The following PICALM variants were observed in gnomAD, a reference collection of about 807,000 sequenced individuals.
PICALM encodes the protein phosphatidylinositol binding clathrin assembly protein, also known as phosphatidylinositol-binding clathrin assembly protein.
PICALM carries 40 observed loss-of-function variants against 80.5 expected under a neutral mutation model. That is an observed-to-expected ratio of 0.50 (90% CI 0.39 to 0.65). The LOEUF (loss-of-function observed/expected upper bound fraction) is 0.65. Among genes scored for constraint, PICALM ranks in the 30% least tolerant of loss-of-function variants. The pLI, the probability that PICALM is intolerant of heterozygous loss-of-function variation, is 0.00. For missense variants in PICALM, 676 were observed against 778.9 expected (o/e 0.87, Z 1.57); for synonymous variants, 288 against 260.3 (o/e 1.11, Z -1.02).
Position 86,068,678 on chromosome 11 carries a change from T to G in PICALM, c.103A>C (p.Met35Leu). 1.2e-6 allele frequency: 2 copies of G among 1,612,762 alleles called. No individual in the cohort carries two copies. Among genetic ancestry groups the G allele is most frequent in the African/African-American group, 2.7e-5 (2 of 74,832 alleles). ...TVCKATTHEI[M>L]GPKKKHLDYL... ...TCCAGGTGCTTTTTCTTGGGCCCCA[T>G]GATCTCGTGGGTCGTGGCCTTGCAT... The change falls in exon 1 of 20, where the codon ATG (methionine) becomes CTG (leucine). Residue 35 changes from methionine (M) to leucine (L), a missense_variant. Physicochemically the swap from Met to Leu is conservative, Grantham distance 15. Transcript: ENST00000393346.
intron 8 of PICALM, among the ~76,000 whole-genome samples, chr11:86,006,934 T>C (rs2095290294): frequency 6.6e-6 from 1 of 152,206 alleles, no homozygotes; most frequent in South Asian, 2.1e-4. Context: ...CATTAACTTA[T>C]TTAATCCTGT....
chr11:86,068,415 C>G (rs943348267), intron 1 of PICALM, among the ~76,000 whole-genome samples: 5 of 151,924 alleles, frequency 3.3e-5, no homozygotes, highest in African/African-American at 1.2e-4. Context: ...AGACGAGGGT[C>G]CCCTAGGAAT....
intron 1 of PICALM, among the ~76,000 whole-genome samples, chr11:86,048,613 C>A (rs938378224): frequency 4.0e-5 from 6 of 151,660 alleles, no homozygotes; most frequent in Admixed American, 2.0e-4. Flanking sequence ...GCGGGCAGAT[C>A]ACAACATCAG....
At chr11:86,002,208 GA>G (rs562414037) in intron 9 of PICALM, among the ~76,000 whole-genome samples, 1 of 152,080 alleles carries the variant, frequency 6.6e-6, no homozygotes, top group African/African-American at 2.4e-5. Context: ...CTGCTACTTC[GA>G]AAATCTTACT....
chr11:85,968,305 A>AAACAAAACAG (rs1457299442), intron 19 of PICALM, among the ~76,000 whole-genome samples: 13 of 150,678 alleles, frequency 8.6e-5, no homozygotes, highest in Non-Finnish European at 3.0e-5. Context: ...AAACAAAACA[A>AAACAAAACAG]ACAAACAAAA....
chr11:86,038,824 T>C (rs1008714155), intron 1 of PICALM, among the ~76,000 whole-genome samples: 1 of 149,224 alleles, frequency 6.7e-6, no homozygotes, highest in African/African-American at 2.5e-5. Context: ...CGTTTAAAAA[T>C]AAAAGACCAG....
chr11:86,011,004 G>A (rs767763631), intron 7 of PICALM, 26 bp downstream of exon 7: 1 of 980,396 alleles, frequency 1.0e-6, no homozygotes, highest in Non-Finnish European at 1.6e-6. Context: ...GGCAAGTTAG[G>A]AGACAGTCAC....
chr11:86,041,559 T>C (rs762421605), intron 1 of PICALM, among the ~76,000 whole-genome samples: 12 of 152,168 alleles, frequency 7.9e-5, no homozygotes, highest in Non-Finnish European at 1.5e-4. Flanking sequence ...AGAATTCAGA[T>C]AGAACTGGGT....
At chr11:86,061,807 T>G (rs547105349) in intron 1 of PICALM, among the ~76,000 whole-genome samples, 1 of 152,318 alleles carries the variant, frequency 6.6e-6, no homozygotes, top group South Asian at 2.1e-4. Context: ...ACACAGATGT[T>G]TGATGTTTAT....
At chr11:86,026,791 G>C (rs1051457796) in intron 2 of PICALM, among the ~76,000 whole-genome samples, 9 of 152,086 alleles carry the variant, frequency 5.9e-5, no homozygotes, top group African/African-American at 1.9e-4. Flanking sequence ...CCACTGTCCA[G>C]ATTAAACAAA....
intron 13 of PICALM, among the ~76,000 whole-genome samples, chr11:85,986,962 G>C (rs2084775348): frequency 1.3e-5 from 2 of 152,242 alleles, no homozygotes; most frequent in South Asian, 4.1e-4. Context: ...CTGGCCTGCA[G>C]GTTAAATCTC....
chr11:86,037,113 T>G (rs909435225), intron 1 of PICALM, among the ~76,000 whole-genome samples: 1 of 150,412 alleles, frequency 6.6e-6, no homozygotes. Context: ...GCCCAGCTAA[T>G]TTTTGTATTT....
At chr11:85,965,794 C>A (rs1409900949) in intron 19 of PICALM, among the ~76,000 whole-genome samples, 1 of 146,538 alleles carries the variant, frequency 6.8e-6, no homozygotes, top group Non-Finnish European at 1.5e-5. Context: ...ACCTTGAATG[C>A]ATTACCCATT....
At chr11:86,035,947 CAAAAAAAAA>C (rs543040504) in intron 1 of PICALM, among the ~76,000 whole-genome samples, 1 of 66,508 alleles carries the variant, frequency 1.5e-5, no homozygotes, top group African/African-American at 5.9e-5. Flanking sequence ...GACTCTGCCT[CAAAAAAAAA>C]AAAAAAAAAG....
chr11:85,978,284 T>C (rs1223003397), intron 17 of PICALM: 1 of 507,344 alleles, frequency 2.0e-6, no homozygotes, highest in South Asian at 2.6e-5. Context: ...GACAAGGGAA[T>C]TGTAGTCTTT....
intron 11 of PICALM, among the ~76,000 whole-genome samples, chr11:86,000,256 C>T (rs2095101610): frequency 6.6e-6 from 1 of 152,154 alleles, no homozygotes; most frequent in African/African-American, 2.4e-5. Context: ...ACAGATATGA[C>T]AGACGTTTAA....
Position 86,022,473 on chromosome 11 carries a change from T to C in PICALM, c.350-4A>G, listed in dbSNP as rs746375569. 7.0e-7 allele frequency: 1 copy of C among 1,419,682 alleles called. No homozygotes were observed. Among genetic ancestry groups the C allele is most frequent in the Non-Finnish European group, 9.4e-7 (1 of 1,060,070 alleles). The allele number at this position is 1,419,682 out of a possible 1,614,324, so 87.9% of individuals were successfully genotyped here. A position where few individuals can be genotyped will look rare whatever the true frequency, so the allele number is the denominator to read the frequency against. Reference sequence around the variant, plus strand: ...ATAAATGTAGACATGTCATATCCTGTAAAAAAACAAAAACAAAAACAAAAC... The same window carrying C: ...ATAAATGTAGACATGTCATATCCTGCAAAAAAACAAAAACAAAAACAAAAC... On this transcript the variant is annotated splice_region_variant and splice_polypyrimidine_tract_variant and intron_variant, in intron 3 of 19. Coordinates refer to ENST00000393346, the MANE Select transcript of PICALM (RefSeq NM_007166.4).
In PICALM at chr11:85,958,792, A is replaced by G; in HGVS notation, c.*254T>C. ...TATTAACAGGAGTTGAAAGAATTGA[A>G]GGGTTAGTCACCAAAAAGACAGATC... On this transcript the variant is annotated 3_prime_UTR_variant, in exon 20 of 20. Coordinates refer to ENST00000393346, the MANE Select transcript of PICALM (RefSeq NM_007166.4). 1 of 389,798 alleles carries G rather than the reference A, an allele frequency of 2.6e-6. No individual in the cohort carries two copies. Among genetic ancestry groups the G allele is most frequent in the Non-Finnish European group, 4.6e-6 (1 of 215,880 alleles). 24.1% of individuals were successfully genotyped at this position (389,798 alleles called of 1,614,324 possible). A position where few individuals can be genotyped will look rare whatever the true frequency, so the allele number is the denominator to read the frequency against.
chr11:86,037,344 T>C (rs1973630), intron 1 of PICALM, among the ~76,000 whole-genome samples: 105,112 of 145,856 alleles, frequency 0.72, 38,286 homozygotes, highest in African/African-American at 0.87. Flanking sequence ...ACTGCCACCT[T>C]TGCCACCCAG....
Sources: allele counts gnomAD v4.1 joint callset (sites outside exome capture counted in the v4.1 genomes callset), GRCh38; gene constraint gnomAD v4.1.1; transcripts MANE v1.5; gene names NCBI Gene and HGNC (gene_info 2026-07-23, HGNC 2026-07-21).